ADGRB3: variants seen among roughly 807,000 people sequenced by gnomAD.
ADGRB3 encodes the protein brain-specific angiogenesis inhibitor 3.
In ADGRB3, 37 loss-of-function variants were observed where a neutral mutation model predicts 193.4. The ratio of observed to expected loss-of-function variants is 0.19; its 90% confidence interval spans 0.15 to 0.25. The LOEUF (loss-of-function observed/expected upper bound fraction) is 0.25, where lower values mean the gene tolerates loss of function less well. Among genes scored for constraint, ADGRB3 ranks in the 10% least tolerant of loss-of-function variants. The probability of loss-of-function intolerance (pLI) is 1.00; values close to 1 mark genes in which losing one functional copy is unlikely to be tolerated. For missense variants in ADGRB3, 1,637 were observed against 1,852.9 expected (o/e 0.88, Z 2.14); for synonymous variants, 690 against 644.2 (o/e 1.07, Z -1.08).
In ADGRB3 at chr6:69,209,293, GC is replaced by G. The variant is rs566340417; in HGVS notation, c.2481-23994del. Among the ~76,000 whole-genome samples the G allele has an allele frequency of 2.3e-4, 35 of 152,272 alleles. No homozygotes were observed. In the South Asian group the frequency reaches 6.8e-3, roughly 30 times the overall value. On this transcript the variant is annotated intron_variant, in intron 17 of 31. Coordinates refer to ENST00000370598, the MANE Select transcript of ADGRB3 (RefSeq NM_001704.3). The stretch of plus-strand genomic sequence containing the variant: ...TATGTTGCCTCCAAAATCCAAATAG[GC>G]CCACTAGGCATTGTGCCTCTTTCTT...
chr6:68,862,521 A>C (rs983498615), intron 3 of ADGRB3, among the ~76,000 whole-genome samples: 1 of 152,202 alleles, frequency 6.6e-6, no homozygotes, highest in Non-Finnish European at 1.5e-5. Flanking sequence ...TGAAGAAGGT[A>C]CTATATTTTA....
chr6:68,780,794 C>A (rs1007347953), intron 3 of ADGRB3, among the ~76,000 whole-genome samples: 9 of 152,022 alleles, frequency 5.9e-5, no homozygotes, highest in Admixed American at 5.3e-4. Flanking sequence ...TGGTAACTAA[C>A]CTTACATAAC....
chr6:68,883,106 G>A (rs1440940945), intron 3 of ADGRB3, among the ~76,000 whole-genome samples: 1 of 152,056 alleles, frequency 6.6e-6, no homozygotes, highest in Non-Finnish European at 1.5e-5. Context: ...GTGTTAGCCA[G>A]GATGGTCTAG....
At chr6:69,379,916 T>C (rs1027952265) in intron 30 of ADGRB3, among the ~76,000 whole-genome samples, 3 of 152,028 alleles carry the variant, frequency 2.0e-5, no homozygotes, top group Non-Finnish European at 2.9e-5. Context: ...TCAGCGTCCT[T>C]CAGCTTTATT....
chr6:68,883,268 C>T (rs765161700), intron 3 of ADGRB3, among the ~76,000 whole-genome samples: 3 of 152,066 alleles, frequency 2.0e-5, no homozygotes, highest in Non-Finnish European at 4.4e-5. Context: ...CCTGTCAAAA[C>T]GGACCAATCA....
intron 3 of ADGRB3, among the ~76,000 whole-genome samples, chr6:68,857,875 G>A (rs1765032031): frequency 6.6e-6 from 1 of 152,174 alleles, no homozygotes; most frequent in Non-Finnish European, 1.5e-5. Context: ...GACCCAGTGG[G>A]AGATGATTGA....
chr6:68,825,392 T>C (rs1490375155), intron 3 of ADGRB3, among the ~76,000 whole-genome samples: 1 of 152,204 alleles, frequency 6.6e-6, no homozygotes, highest in East Asian at 1.9e-4. Flanking sequence ...AAGTTTGTAT[T>C]ATGTAATGTT....
At chr6:69,028,677 T>A (rs1400056083) in intron 13 of ADGRB3, among the ~76,000 whole-genome samples, 2 of 152,194 alleles carry the variant, frequency 1.3e-5, no homozygotes, top group Non-Finnish European at 2.9e-5. Context: ...ATGCTTCTTG[T>A]CCCTGAGAAA....
At chr6:69,043,290 G>GAGAGAAAGAA (rs1554252049) in intron 13 of ADGRB3, among the ~76,000 whole-genome samples, 2,594 of 88,018 alleles carry the variant, frequency 0.029, 97 homozygotes, top group Admixed American at 0.064. Flanking sequence ...GGAAGAAAGA[G>GAGAGAAAGAA]AGAAAGAAAG....
chr6:68,889,467 G>A (rs1388544346), intron 3 of ADGRB3, among the ~76,000 whole-genome samples: 1 of 151,578 alleles, frequency 6.6e-6, no homozygotes, highest in Non-Finnish European at 1.5e-5. Context: ...GCTCCAGTCT[G>A]ACATTAAAAT....
intron 17 of ADGRB3, among the ~76,000 whole-genome samples, chr6:69,151,238 G>T (rs1271056589): frequency 1.3e-5 from 2 of 152,132 alleles, no homozygotes; most frequent in Non-Finnish European, 2.9e-5. Flanking sequence ...GAACTCTAGA[G>T]CCCTTTATCC....
At chr6:68,971,922 C>A (rs1768582464) in intron 8 of ADGRB3, among the ~76,000 whole-genome samples, 1 of 152,218 alleles carries the variant, frequency 6.6e-6, no homozygotes, top group African/African-American at 2.4e-5. Context: ...TGCTGCTCTC[C>A]CTAGGAGACA....
intron 3 of ADGRB3, among the ~76,000 whole-genome samples, chr6:68,890,569 A>C (rs978165776): frequency 1.3e-5 from 2 of 152,212 alleles, no homozygotes; most frequent in Non-Finnish European, 2.9e-5. Context: ...ACTTAATTAA[A>C]CACATATGCC....
intron 11 of ADGRB3, among the ~76,000 whole-genome samples, chr6:68,996,828 C>T (rs1769397471): frequency 6.6e-6 from 1 of 152,136 alleles, no homozygotes; most frequent in African/African-American, 2.4e-5. Flanking sequence ...AGTGCCAGCC[C>T]ACCTCCTGCA....
At chr6:69,006,096 G>C (rs568368361) in intron 11 of ADGRB3, among the ~76,000 whole-genome samples, 7 of 151,006 alleles carry the variant, frequency 4.6e-5, no homozygotes, top group Non-Finnish European at 8.9e-5. Context: ...ACTCTTTAGA[G>C]ATTACTTACT....
chr6:69,368,084 A>T (rs971660868), intron 29 of ADGRB3, among the ~76,000 whole-genome samples: 1 of 151,854 alleles, frequency 6.6e-6, no homozygotes, highest in African/African-American at 2.4e-5. Context: ...AGCATGGCAC[A>T]TGTATACATA....
chr6:69,209,515 G>T (rs1765609281), intron 17 of ADGRB3, among the ~76,000 whole-genome samples: 1 of 152,204 alleles, frequency 6.6e-6, no homozygotes, highest in Admixed American at 6.5e-5. Context: ...CTTGCTCACT[G>T]GATCCAATCA....
At chr6:68,821,711 T>C (rs1362699619) in intron 3 of ADGRB3, among the ~76,000 whole-genome samples, 1 of 151,928 alleles carries the variant, frequency 6.6e-6, no homozygotes. Context: ...TTAATTTTAA[T>C]AAACTCATCT....
Position 69,229,717 on chromosome 6 carries a change from T to C in ADGRB3, c.2481-3573T>C, listed in dbSNP as rs182571750. ...ATCAGTCTTTTTACTAAATAGCTTT[T>C]CATTGGAGTAAGCTGATAACTTTTC... On this transcript the variant is annotated intron_variant, in intron 17 of 31. Coordinates refer to ENST00000370598, the MANE Select transcript of ADGRB3 (RefSeq NM_001704.3). 3.3e-5 allele frequency among the ~76,000 whole-genome samples: 5 copies of C among 152,314 alleles called. No individual in the cohort carries two copies. In the East Asian group the frequency reaches 9.6e-4, roughly 29 times the overall value.
Sources: allele counts gnomAD v4.1 joint callset (sites outside exome capture counted in the v4.1 genomes callset), GRCh38; gene constraint gnomAD v4.1.1; transcripts MANE v1.5; gene names NCBI Gene and HGNC (gene_info 2026-07-23, HGNC 2026-07-21).